The following STRN variants were observed in gnomAD, a reference collection of about 807,000 sequenced individuals.
STRN encodes the protein protein phosphatase 2 regulatory subunit B'''alpha.
STRN carries 53 observed loss-of-function variants against 96.3 expected under a neutral mutation model. That is an observed-to-expected ratio of 0.55 (90% CI 0.44 to 0.69). STRN has a LOEUF of 0.69. STRN is among the 30% of genes least tolerant of loss of function. The pLI is 0.00. For synonymous variants in STRN, 428 were observed against 355.9 expected (o/e 1.20, Z -2.28); for missense variants, 987 against 963.9 (o/e 1.02, Z -0.32).
chr2:36,900,893 T>C (rs1171957977), intron 5 of STRN, among the ~76,000 whole-genome samples: 2 of 146,188 alleles, frequency 1.4e-5, no homozygotes. Context: ...ACTCTGTCTC[T>C]AAATAAATAA....
At chr2:36,887,042 G>GACACACACACACAC (rs70946957) in intron 7 of STRN, among the ~76,000 whole-genome samples, 1 of 144,792 alleles carries the variant, frequency 6.9e-6, no homozygotes, top group African/African-American at 2.6e-5. Context: ...TCTCCTGAAA[G>GACACACACACACAC]ACACACACAC....
At chr2:36,853,170 T>C (rs1198922284) in intron 15 of STRN, among the ~76,000 whole-genome samples, 1 of 149,852 alleles carries the variant, frequency 6.7e-6, no homozygotes, top group Non-Finnish European at 1.5e-5. Context: ...AAAAAATAAA[T>C]ATAAAACAAA....
chr2:36,965,883 T>A (rs1665145231), intron 1 of STRN, among the ~76,000 whole-genome samples: 2 of 152,176 alleles, frequency 1.3e-5, no homozygotes, highest in African/African-American at 4.8e-5. Flanking sequence ...TTGCTCCGCG[T>A]CTCTCAAAAC....
Position 36,886,704 on chromosome 2 carries a change from T to G in STRN, c.1042+12A>C. ...AGATTTATGATTTACAGATACAATG[T>G]TTTCCACTTACTCTTCACCCCCTTT... On this transcript the variant is annotated intron_variant, in intron 8 of 17. Transcript: ENST00000263918. 1.9e-6 allele frequency: 3 copies of G among 1,597,376 alleles called. No homozygotes were observed. In the Middle Eastern group the frequency reaches 5.0e-4, roughly 266 times the overall value.
intron 6 of STRN, among the ~76,000 whole-genome samples, chr2:36,897,298 G>C (rs530510727): frequency 1.6e-4 from 24 of 152,170 alleles, no homozygotes; most frequent in African/African-American, 5.8e-4. Context: ...CACAGAATTA[G>C]GTTGTTAAAG....
In STRN at chr2:36,959,974, A is replaced by T. The variant is rs550503799; in HGVS notation, c.234+6256T>A. ...GAAACACTGAACTGAAGAGACAAAT[A>T]ATAGGATACGTTTTAAAAGATTAAA... On this transcript the variant is annotated intron_variant, in intron 1 of 17. Coordinates refer to ENST00000263918, the MANE Select transcript of STRN (RefSeq NM_003162.4). Among the ~76,000 whole-genome samples the T allele has an allele frequency of 5.3e-5, 8 of 152,288 alleles. No individual in the cohort carries two copies. In the East Asian group the frequency reaches 1.5e-3, roughly 29 times the overall value.
At position 36,848,025 on chromosome 2, in the gene STRN, C is replaced by A. The variant is rs1026230279; in HGVS notation, c.*1431G>T. 3 of 152,146 alleles carry A rather than the reference C, an allele frequency of 2.0e-5. No homozygotes were observed. The East Asian group carries it at 5.8e-4, about 29-fold the overall frequency. The allele number at this position is 152,146 out of a possible 1,614,324, so 9.4% of individuals were successfully genotyped here. On this transcript the variant is annotated 3_prime_UTR_variant, in exon 18 of 18. Transcript: ENST00000263918. ...GACAAAGAGTAAGAGAGACATAAAC[C>A]ACTATAGAAATAATGTCTTTATGAC...
chr2:36,865,690 T>C (rs1400641193), intron 12 of STRN, among the ~76,000 whole-genome samples: 1 of 151,964 alleles, frequency 6.6e-6, no homozygotes, highest in Admixed American at 6.5e-5. Context: ...GCCTCCTGAG[T>C]AGCTGGGATT....
At chr2:36,928,400 C>G (rs1438330145) in intron 1 of STRN, among the ~76,000 whole-genome samples, 2 of 151,976 alleles carry the variant, frequency 1.3e-5, no homozygotes, top group African/African-American at 4.8e-5. Flanking sequence ...ACCTGTAATC[C>G]CAGAACTTTG....
chr2:36,890,114 G>A (rs1032908792), intron 7 of STRN, among the ~76,000 whole-genome samples: 4 of 152,310 alleles, frequency 2.6e-5, no homozygotes, highest in South Asian at 2.1e-4. Flanking sequence ...AGACCTCAGT[G>A]TGGCACAGTA....
chr2:36,964,464 A>AT (rs1665107761), intron 1 of STRN, among the ~76,000 whole-genome samples: 1 of 152,190 alleles, frequency 6.6e-6, no homozygotes, highest in African/African-American at 2.4e-5. Flanking sequence ...ATAAAGATCA[A>AT]TCTGTAAGTA....
At chr2:36,864,504 C>G (rs1203664900) in intron 12 of STRN, among the ~76,000 whole-genome samples, 4 of 152,252 alleles carry the variant, frequency 2.6e-5, no homozygotes, top group East Asian at 1.9e-4. Flanking sequence ...AGGGATAAAG[C>G]CTGCCTGATT....
chr2:36,881,431 C>A (rs566586716), intron 9 of STRN, among the ~76,000 whole-genome samples: 2 of 152,154 alleles, frequency 1.3e-5, no homozygotes, highest in South Asian at 2.1e-4. Flanking sequence ...CTGCACCCGG[C>A]CCTGCCTTCT....
chr2:36,877,235 G>T (rs929199654), intron 10 of STRN, among the ~76,000 whole-genome samples: 77 of 152,238 alleles, frequency 5.1e-4, no homozygotes, highest in African/African-American at 1.7e-3. Context: ...GTGTACTAAA[G>T]AAGCAAGGCA....
Position 36,867,839 on chromosome 2 carries a change from G to T in STRN, c.1522C>A (p.Pro508Thr), listed in dbSNP as rs752583897. The T allele has an allele frequency of 1.3e-6, 2 of 1,593,112 alleles. No homozygotes were observed. Among genetic ancestry groups the T allele is most frequent in the Non-Finnish European group, 1.7e-6 (2 of 1,171,000 alleles). The change falls in exon 12 of 18, where the codon CCT becomes ACT. Residue 508 changes from proline to threonine, a missense_variant. Coordinates refer to ENST00000263918, the MANE Select transcript of STRN (RefSeq NM_003162.4). Reference protein sequence around the residue: ...AKKSTSLDVEPIYTFRAHKGP... With the variant: ...AKKSTSLDVETIYTFRAHKGP... ...TTATGGGCTCTGAATGTATAGATAGGTTCTACATCAAGAGAAGTGCTCCTA... is the reference window on the plus strand; with the variant it reads ...TTATGGGCTCTGAATGTATAGATAGTTTCTACATCAAGAGAAGTGCTCCTA...
At chr2:36,954,302 G>A (rs1432499235) in intron 1 of STRN, among the ~76,000 whole-genome samples, 2 of 151,986 alleles carry the variant, frequency 1.3e-5, no homozygotes, top group Non-Finnish European at 2.9e-5. Context: ...CTTGAGGCCA[G>A]GAGTTCAAGA....
At chr2:36,961,897 G>A (rs1039498887) in intron 1 of STRN, among the ~76,000 whole-genome samples, 2 of 151,964 alleles carry the variant, frequency 1.3e-5, no homozygotes, top group African/African-American at 4.8e-5. Flanking sequence ...TATTCCAAGC[G>A]TGCTCCCTTC....
chr2:36,946,438 T>C (rs1670986954), intron 1 of STRN, among the ~76,000 whole-genome samples: 1 of 152,234 alleles, frequency 6.6e-6, no homozygotes, highest in African/African-American at 2.4e-5. Flanking sequence ...ATTTACTTTA[T>C]TCCTAGGTAT....
rs569418869 is a variant in STRN at position 36,860,277 on chromosome 2, G to C, written c.1669+855C>G. Among the ~76,000 whole-genome samples the C allele has an allele frequency of 3.9e-5, 6 of 152,310 alleles. No individual in the cohort carries two copies. In the South Asian group the frequency reaches 1.0e-3, roughly 26 times the overall value. The stretch of plus-strand genomic sequence containing the variant: ...GTCAAAATGGGAAGGACTGGCCTAG[G>C]ACAGAATGAGGGACAGTTGATCCTC... On this transcript the variant is annotated intron_variant, in intron 13 of 17. Transcript: ENST00000263918.
Sources: allele counts gnomAD v4.1 joint callset (sites outside exome capture counted in the v4.1 genomes callset), GRCh38; gene constraint gnomAD v4.1.1; transcripts MANE v1.5; gene names NCBI Gene and HGNC (gene_info 2026-07-23, HGNC 2026-07-21).